DPP10: variants seen among roughly 807,000 people sequenced by gnomAD.
DPP10 encodes the protein dipeptidyl peptidase like 10.
DPP10 carries 33 observed loss-of-function variants against 120.9 expected under a neutral mutation model. The observed-to-expected ratio is 0.27, with a 90% CI of 0.21 to 0.37. The LOEUF (loss-of-function observed/expected upper bound fraction) is 0.37, where lower values mean the gene tolerates loss of function less well. Among genes scored for constraint, DPP10 ranks in the 10% least tolerant of loss-of-function variants. DPP10 has a pLI of 1.00. For synonymous variants in DPP10, 337 were observed against 326.1 expected, an observed-to-expected ratio of 1.03 and a Z score of -0.36; for missense variants, 816 against 942.8, an observed-to-expected ratio of 0.87 and a Z score of 1.76.
rs1206273269 is a variant in DPP10, at chr2:115,845,574, C to A, written c.*3229C>A. 1 of 152,212 alleles carries A rather than the reference C, an allele frequency of 6.6e-6. No individual in the cohort carries two copies. Among genetic ancestry groups the A allele is most frequent in the East Asian group, 1.9e-4 (1 of 5,180 alleles). 9.4% of individuals were successfully genotyped at this position (152,212 alleles called of 1,614,324 possible). Reference sequence around the variant, plus strand: ...TTCTATTTTCCTCTTCCCCATTTCACTCTTTTAAGCTCCCTACTCCTATTC... The same window carrying A: ...TTCTATTTTCCTCTTCCCCATTTCAATCTTTTAAGCTCCCTACTCCTATTC... On this transcript the variant is annotated 3_prime_UTR_variant, in exon 26 of 26. Coordinates refer to ENST00000410059, the MANE Select transcript of DPP10 (RefSeq NM_020868.6).
intron 7 of DPP10, among the ~76,000 whole-genome samples, chr2:115,719,738 A>G (rs2092597957): frequency 1.3e-5 from 2 of 152,216 alleles, no homozygotes; most frequent in African/African-American, 4.8e-5. Context: ...ATAAATGCTG[A>G]TATATATTCT....
At chr2:114,853,201 C>T (rs1689105662) in intron 1 of DPP10, among the ~76,000 whole-genome samples, 1 of 152,082 alleles carries the variant, frequency 6.6e-6, no homozygotes. Flanking sequence ...AGTGCGCTTT[C>T]TTGGATATTG....
intron 9 of DPP10, among the ~76,000 whole-genome samples, chr2:115,742,880 A>G (rs988287826): frequency 6.6e-5 from 10 of 152,120 alleles, no homozygotes; most frequent in African/African-American, 2.4e-4. Flanking sequence ...GAAATACAGT[A>G]AACAAATATA....
chr2:114,506,545 T>C (rs953695193), intron 1 of DPP10, among the ~76,000 whole-genome samples: 1 of 152,170 alleles, frequency 6.6e-6, no homozygotes, highest in African/African-American at 2.4e-5. Flanking sequence ...CATCCACAGA[T>C]GGCAAAGTTG....
intron 1 of DPP10, among the ~76,000 whole-genome samples, chr2:115,302,909 G>A (rs1452320071): frequency 6.6e-6 from 1 of 152,074 alleles, no homozygotes; most frequent in Non-Finnish European, 1.5e-5. Flanking sequence ...AGAGCAATGA[G>A]CAATTTTAAG....
intron 7 of DPP10, among the ~76,000 whole-genome samples, chr2:115,696,767 T>C (rs1274871060): frequency 6.6e-6 from 1 of 152,214 alleles, no homozygotes; most frequent in African/African-American, 2.4e-5. Context: ...CTACTTAATT[T>C]AAAAAGCTAA....
intron 5 of DPP10, among the ~76,000 whole-genome samples, chr2:115,610,511 G>GTGTGTGTATA (rs56136090): frequency 6.6e-6 from 1 of 150,394 alleles, no homozygotes; most frequent in African/African-American, 2.4e-5. Flanking sequence ...GTGTGTGTGT[G>GTGTGTGTATA]TGTTTTCAAC....
intron 1 of DPP10, among the ~76,000 whole-genome samples, chr2:114,888,142 C>CA (rs1231068172): frequency 0.074 from 4,840 of 65,718 alleles, 339 homozygotes; most frequent in African/African-American, 0.21. Context: ...GCCTCCGTCT[C>CA]AAAAAAAAAA....
chr2:115,200,079 T>C (rs2055584796), intron 1 of DPP10, among the ~76,000 whole-genome samples: 1 of 152,198 alleles, frequency 6.6e-6, no homozygotes, highest in African/African-American at 2.4e-5. Flanking sequence ...GCATCCGTTG[T>C]TGCATCTGAG....
intron 1 of DPP10, among the ~76,000 whole-genome samples, chr2:114,634,704 T>A (rs1453112046): frequency 6.6e-6 from 1 of 151,972 alleles, no homozygotes; most frequent in African/African-American, 2.4e-5. Context: ...AGAATAGAGA[T>A]AACTTAAGCA....
intron 1 of DPP10, among the ~76,000 whole-genome samples, chr2:115,191,587 T>C (rs917554799): frequency 6.6e-6 from 1 of 152,198 alleles, no homozygotes; most frequent in African/African-American, 2.4e-5. Flanking sequence ...GTTACATTTT[T>C]CTTAGCTTTA....
chr2:115,764,001 A>G (rs1308947295), intron 12 of DPP10, among the ~76,000 whole-genome samples: 1 of 152,130 alleles, frequency 6.6e-6, no homozygotes, highest in Non-Finnish European at 1.5e-5. Flanking sequence ...TATTTTTCAA[A>G]CCTTGGCTTA....
At chr2:114,852,350 C>A (rs115443043) in intron 1 of DPP10, among the ~76,000 whole-genome samples, 15 of 151,784 alleles carry the variant, frequency 9.9e-5, no homozygotes, top group Middle Eastern at 6.8e-3. Context: ...TCCATGGGTT[C>A]TGTATCCGTG....
rs1234573230 is a variant in DPP10, at chr2:115,027,543, A to T, written c.61-281696A>T. 2.0e-5 allele frequency among the ~76,000 whole-genome samples: 3 copies of T among 152,188 alleles called. No homozygotes were observed. In the South Asian group the frequency reaches 6.2e-4, roughly 32 times the overall value. ...GTTGAATTCAGTTTGCTATTATTTC[A>T]TTGAGGATTTTGCATTTATTTTCAC... On this transcript the variant is annotated intron_variant, in intron 1 of 25. Coordinates refer to ENST00000410059, the MANE Select transcript of DPP10 (RefSeq NM_020868.6).
intron 5 of DPP10, among the ~76,000 whole-genome samples, chr2:115,542,162 G>C (rs749091641): frequency 9.2e-5 from 14 of 151,624 alleles, no homozygotes; most frequent in Non-Finnish European, 1.9e-4. Flanking sequence ...CGTAACTACC[G>C]CTACCATCAC....
At chr2:114,553,559 T>C (rs1045031306) in intron 1 of DPP10, among the ~76,000 whole-genome samples, 3 of 152,294 alleles carry the variant, frequency 2.0e-5, no homozygotes, top group Non-Finnish European at 4.4e-5. Flanking sequence ...AGGCGAGTGG[T>C]TTTTCAGTAG....
At chr2:114,536,408 C>CTTT (rs70937287) in intron 1 of DPP10, among the ~76,000 whole-genome samples, 12,095 of 128,620 alleles carry the variant, frequency 0.094, 777 homozygotes, top group South Asian at 0.12. Context: ...TTTTCTTTTT[C>CTTT]TTTTTTTTTT....
chr2:114,524,054 G>T (rs967422976), intron 1 of DPP10, among the ~76,000 whole-genome samples: 1 of 152,222 alleles, frequency 6.6e-6, no homozygotes, highest in Admixed American at 6.5e-5. Flanking sequence ...GTGGCATTTT[G>T]CAAACTTACT....
intron 3 of DPP10, among the ~76,000 whole-genome samples, chr2:115,356,751 T>G (rs766588012): frequency 8.4e-4 from 127 of 152,008 alleles, no homozygotes; most frequent in Non-Finnish European, 1.3e-3. Context: ...TTATTGAGAG[T>G]TTTTCTTTAT....
Sources: gnomAD v4.1 joint callset for allele counts (sites outside exome capture counted in the v4.1 genomes callset) on GRCh38, gnomAD v4.1.1 for gene constraint, MANE v1.5 for transcripts, NCBI Gene and HGNC (gene_info 2026-07-23, HGNC 2026-07-21) for gene names.